RYR2: variants seen among roughly 807,000 people sequenced by gnomAD.
The protein encoded by RYR2 is cardiac muscle ryanodine receptor-calcium release channel.
A neutral mutation model predicts 601.1 loss-of-function variants in RYR2; 227 were observed. That is an observed-to-expected ratio of 0.38 (90% confidence interval 0.34 to 0.42). RYR2 has a LOEUF of 0.42. Ranked by LOEUF, RYR2 falls within the 10% of genes least tolerant of loss-of-function variation. The pLI is 1.00. For missense variants in RYR2, 4,646 were observed against 6,156.5 expected, an observed-to-expected ratio of 0.75 and a Z score of 8.21; for synonymous variants, 2,223 against 2,175.1, an observed-to-expected ratio of 1.02 and a Z score of -0.61.
intron 1 of RYR2, among the ~76,000 whole-genome samples, chr1:237,264,749 G>A (rs1688880570): frequency 6.6e-6 from 1 of 151,280 alleles, no homozygotes; most frequent in Non-Finnish European, 1.5e-5. Context: ...AGGATGGAGT[G>A]TAGTGGCGTG....
chr1:237,199,020 CG>C (rs1680880817), intron 1 of RYR2, among the ~76,000 whole-genome samples: 1 of 151,910 alleles, frequency 6.6e-6, no homozygotes, highest in Non-Finnish European at 1.5e-5. Context: ...CTGGTTAATC[CG>C]GTTATGATCA....
At chr1:237,656,444 G>C (rs908496679) in intron 53 of RYR2, among the ~76,000 whole-genome samples, 2 of 152,164 alleles carry the variant, frequency 1.3e-5, no homozygotes, top group African/African-American at 4.8e-5. Context: ...TGTTCAGCAT[G>C]ATAAAACGCA....
intron 1 of RYR2, among the ~76,000 whole-genome samples, chr1:237,183,067 C>T (rs774354065): frequency 6.6e-6 from 1 of 152,094 alleles, no homozygotes; most frequent in Non-Finnish European, 1.5e-5. Flanking sequence ...TTTGCCAACC[C>T]GATCCTGACT....
chr1:237,745,217 C>T (rs1301343632), intron 80 of RYR2, among the ~76,000 whole-genome samples: 1 of 152,030 alleles, frequency 6.6e-6, no homozygotes, highest in Non-Finnish European at 1.5e-5. Context: ...CAGCTCTGAT[C>T]CGATGGATAT....
intron 25 of RYR2, among the ~76,000 whole-genome samples, chr1:237,542,771 G>A (rs912163055): frequency 3.3e-5 from 5 of 152,124 alleles, no homozygotes; most frequent in African/African-American, 1.2e-4. Flanking sequence ...AGCCCCATCA[G>A]CCTGGAATTA....
chr1:237,486,538 T>C (rs1021840718), intron 17 of RYR2, among the ~76,000 whole-genome samples: 12 of 152,206 alleles, frequency 7.9e-5, no homozygotes, highest in Non-Finnish European at 1.2e-4. Flanking sequence ...AAAGACTCCA[T>C]AGATTAAAAG....
intron 101 of RYR2, among the ~76,000 whole-genome samples, chr1:237,823,867 T>G (rs574493461): frequency 3.3e-5 from 5 of 152,160 alleles, no homozygotes; most frequent in African/African-American, 1.2e-4. Flanking sequence ...ATCCCACAGA[T>G]ATACAAACTA....
intron 1 of RYR2, among the ~76,000 whole-genome samples, chr1:237,062,020 T>C (rs1299434128): frequency 6.6e-6 from 1 of 152,250 alleles, no homozygotes; most frequent in Non-Finnish European, 1.5e-5. Context: ...ATTGCAGTGG[T>C]ACCTGGGTAG....
At chr1:237,730,175 G>A in intron 76 of RYR2, 85 bp from the exon 77 acceptor site, 1 of 763,524 alleles carries the variant, frequency 1.3e-6, no homozygotes. Context: ...TCAGTGCACA[G>A]ATAATCTAGT....
At chr1:237,693,464 T>C (rs1332692427) in intron 63 of RYR2, among the ~76,000 whole-genome samples, 2 of 152,172 alleles carry the variant, frequency 1.3e-5, no homozygotes, top group African/African-American at 4.8e-5. Context: ...ACCTGGACAC[T>C]CCTCAGAGTT....
chr1:237,210,998 C>T (rs939974410), intron 1 of RYR2, among the ~76,000 whole-genome samples: 17 of 148,126 alleles, frequency 1.1e-4, no homozygotes, highest in Non-Finnish European at 2.3e-4. Context: ...AGACGTCTCA[C>T]ACAGATTTGT....
chr1:237,805,580 CAA>C (rs772404939), intron 98 of RYR2, among the ~76,000 whole-genome samples: 9 of 37,682 alleles, frequency 2.4e-4, no homozygotes, highest in African/African-American at 5.8e-4. Context: ...GACTCTGTCT[CAA>C]AAAAAAAAAA....
At chr1:237,297,849 C>A (rs556800871) in intron 2 of RYR2, among the ~76,000 whole-genome samples, 2 of 151,802 alleles carry the variant, frequency 1.3e-5, no homozygotes, top group East Asian at 3.9e-4. Context: ...TTCCCAAGCA[C>A]AGGTGATTCT....
chr1:237,722,125 A>G (rs1689775564), intron 73 of RYR2, among the ~76,000 whole-genome samples: 1 of 152,190 alleles, frequency 6.6e-6, no homozygotes, highest in Non-Finnish European at 1.5e-5. Flanking sequence ...ATGCTATCCT[A>G]TATCCTTGCC....
Position 237,760,961 on chromosome 1 carries a change from T to A in RYR2, c.11409T>A (p.Leu3803=). ...TTTTCCCTTGTTATTATAGTGTCCTTGACCTAAATGCATTTGAGCGACAAA... is the reference window on the plus strand; with the variant it reads ...TTTTCCCTTGTTATTATAGTGTCCTAGACCTAAATGCATTTGAGCGACAAA... ...LAGLMQSCSV[L]DLNAFERQNK... is the part of the protein sequence containing the mutation. Residue 3803 remains leucine (L), a synonymous_variant, in exon 84 of 105, where the codon CTT becomes CTA. Transcript: ENST00000366574. 1 of 1,566,846 alleles carries A rather than the reference T, an allele frequency of 6.4e-7. No individual in the cohort carries two copies. Among genetic ancestry groups the A allele is most frequent in the East Asian group, 2.3e-5 (1 of 42,740 alleles).
intron 1 of RYR2, among the ~76,000 whole-genome samples, chr1:237,111,832 G>T (rs1669511678): frequency 6.6e-6 from 1 of 152,168 alleles, no homozygotes; most frequent in African/African-American, 2.4e-5. Context: ...TTCTAGTGCA[G>T]GGAGGACCTC....
At chr1:237,583,528 A>G (rs1006658890) in intron 29 of RYR2, among the ~76,000 whole-genome samples, 2 of 152,200 alleles carry the variant, frequency 1.3e-5, no homozygotes, top group Non-Finnish European at 2.9e-5. Context: ...TATGTATTAT[A>G]TGGCACATAG....
chr1:237,175,733 C>T (rs1293959931), intron 1 of RYR2, among the ~76,000 whole-genome samples: 1 of 152,130 alleles, frequency 6.6e-6, no homozygotes, highest in African/African-American at 2.4e-5. Flanking sequence ...CAGTCCCAGC[C>T]AGGACAATAT....
Position 237,707,110 on chromosome 1 carries a change from C to T in RYR2, c.9742C>T (p.Arg3248Cys), listed in dbSNP as rs1290534109. Residue 3248 changes from arginine (R) to cysteine (C), a missense_variant, in exon 68 of 105, where the codon CGT becomes TGT. Coordinates refer to ENST00000366574, the MANE Select transcript of RYR2 (RefSeq NM_001035.3). ...GCCCATGCTTTGCAGCTACATGTCT[C>T]GTTGGTGGGAGCATGGACCTGAGAA... ...ILPMLCSYMS[R>C]WWEHGPENNP... The T allele has an allele frequency of 9.3e-6, 15 of 1,613,846 alleles. No homozygotes were observed. Among genetic ancestry groups the T allele is most frequent in the East Asian group, 2.2e-5 (1 of 44,870 alleles).
Sources: allele counts gnomAD v4.1 joint callset (sites outside exome capture counted in the v4.1 genomes callset), GRCh38; gene constraint gnomAD v4.1.1; transcripts MANE v1.5; gene names NCBI Gene and HGNC (gene_info 2026-07-23, HGNC 2026-07-21).